RNF130: variants seen among roughly 807,000 people sequenced by gnomAD.
RNF130 encodes E3 ubiquitin-protein ligase RNF130.
In RNF130, 21 loss-of-function variants were observed where a neutral mutation model predicts 44.6. The observed-to-expected ratio is 0.47, with a 90% CI of 0.33 to 0.68. The LOEUF is 0.68. Among genes scored for constraint, RNF130 ranks in the 30% least tolerant of loss-of-function variants. The pLI, the probability that RNF130 is intolerant of heterozygous loss-of-function variation, is 0.02. For synonymous variants in RNF130, 214 were observed against 210.4 expected (o/e 1.02, Z -0.15); for missense variants, 479 against 560.6 (o/e 0.85, Z 1.47).
At chr5:179,935,582 T>C (rs1761878289) in intron 7 of RNF130, among the ~76,000 whole-genome samples, 1 of 152,128 alleles carries the variant, frequency 6.6e-6, no homozygotes, top group African/African-American at 2.4e-5. Context: ...TTTCTATTCA[T>C]TACTAACATG....
At chr5:180,031,858 C>T in intron 2 of RNF130, among the ~76,000 whole-genome samples, 1 of 152,322 alleles carries the variant, frequency 6.6e-6, no homozygotes. Context: ...TACCATTTCA[C>T]ATTTCTACTC....
intron 1 of RNF130, among the ~76,000 whole-genome samples, chr5:180,058,359 C>G (rs1260777262): frequency 6.6e-6 from 1 of 152,048 alleles, no homozygotes; most frequent in Non-Finnish European, 1.5e-5. Flanking sequence ...CACTTTATTC[C>G]CCAGGTTAAA....
intron 7 of RNF130, among the ~76,000 whole-genome samples, chr5:179,928,540 GTCT>G (rs1032023855): frequency 6.6e-6 from 1 of 151,820 alleles, no homozygotes; most frequent in Non-Finnish European, 1.5e-5. Flanking sequence ...CAGGTTGTCA[GTCT>G]TCTTCTCCTT....
chr5:180,046,000 A>AG (rs2113150661), intron 1 of RNF130, among the ~76,000 whole-genome samples: 1 of 152,298 alleles, frequency 6.6e-6, no homozygotes, highest in South Asian at 2.1e-4. Context: ...CCCGTGGAGC[A>AG]GGGGGCAGCG....
chr5:179,980,151 C>T lies in RNF130; in HGVS notation c.743G>A (p.Arg248Lys). Residue 248 changes from arginine to lysine, a missense_variant, in exon 4 of 9, where the codon AGG becomes AAG. Arg to Lys is a conservative substitution (Grantham distance 26). This residue lies in a region of RNF130 where 180 missense variants were observed against 275.1 expected (regional missense o/e 0.65). Transcript: ENST00000521389. ...TACCTTGTCACCCTTCTTTACTGTC[C>T]TGGTTGTCAATTTACTGATGGCTTT... ...AKKAISKLTTRTVKKGDKETD... is the reference protein window; with the variant it reads ...AKKAISKLTTKTVKKGDKETD... The T allele has an allele frequency of 6.2e-7, 1 of 1,613,946 alleles. No homozygotes were observed. The highest frequency in any genetic ancestry group is 8.5e-7 in the Non-Finnish European group (1 of 1,179,948).
chr5:179,914,588 G>GGGA (rs1761514746), exon 8 of RNF130: 2 of 152,248 alleles, frequency 1.3e-5, no homozygotes, highest in Non-Finnish European at 2.9e-5. Flanking sequence ...AGCTCCCCTT[G>GGGA]GGAGATTCTG....
intron 1 of RNF130, among the ~76,000 whole-genome samples, chr5:180,045,654 C>G (rs1402819386): frequency 6.6e-6 from 1 of 152,140 alleles, no homozygotes; most frequent in African/African-American, 2.4e-5. Flanking sequence ...CTGACTGGTG[C>G]GTTTACAAAC....
At chr5:179,963,768 A>G (rs960607325) in intron 7 of RNF130, 2 of 571,414 alleles carry the variant, frequency 3.5e-6, no homozygotes, top group Non-Finnish European at 6.3e-6. Context: ...GCAAGGGAGA[A>G]AGGAAAGCAT....
In RNF130 at chr5:179,937,931, T is replaced by TGAGAGAGA. The variant is rs1352445372; in HGVS notation, c.1151-17506_1151-17505insTCTCTCTC. 3.8e-4 allele frequency among the ~76,000 whole-genome samples: 50 copies of TGAGAGAGA among 131,084 alleles called. No homozygotes were observed. The East Asian group carries it at 7.5e-3, about 20-fold the overall frequency. The allele number at this position is 131,084 out of a possible 152,430, so 86.0% of individuals were successfully genotyped here. A position where few individuals can be genotyped will look rare whatever the true frequency, so the allele number is the denominator to read the frequency against. On this transcript the variant is annotated intron_variant, in intron 7 of 7. Coordinates refer to the RNF130 transcript ENST00000522208. Reference sequence around the variant, plus strand: ...GTGTGTGTGTGTGTGTGTGTGTGTGTGTGAGAGAGAGAGAGAGAGAGAGAG... The same window carrying TGAGAGAGA: ...GTGTGTGTGTGTGTGTGTGTGTGTGTGAGAGAGAGTGAGAGAGAGAGAGAGAGAGAGAG...
intron 1 of RNF130, among the ~76,000 whole-genome samples, chr5:180,044,596 G>A (rs1343315055): frequency 1.3e-5 from 2 of 152,126 alleles, no homozygotes; most frequent in Non-Finnish European, 2.9e-5. Flanking sequence ...CACTTTGGGA[G>A]GCCGAAGTGG....
At chr5:180,071,365 G>A in intron 1 of RNF130, 91 bp downstream of exon 1, 1 of 1,170,614 alleles carries the variant, frequency 8.5e-7, no homozygotes, top group Non-Finnish European at 1.1e-6. Flanking sequence ...GCGCGGGAGA[G>A]CCAGGGCCAG....
intron 6 of RNF130, among the ~76,000 whole-genome samples, chr5:179,969,890 C>T (rs534399134): frequency 8.5e-5 from 13 of 152,306 alleles, no homozygotes; most frequent in African/African-American, 2.9e-4. Flanking sequence ...ACTCAGAAGG[C>T]TGAGGCAGGA....
At chr5:179,974,030 C>T (rs991178983) in intron 5 of RNF130, among the ~76,000 whole-genome samples, 15 of 152,116 alleles carry the variant, frequency 9.9e-5, no homozygotes, top group South Asian at 4.1e-4. Context: ...AAGAGTGCTG[C>T]GGGAGGGGAG....
intron 3 of RNF130, among the ~76,000 whole-genome samples, chr5:179,984,467 G>C (rs188707661): frequency 1.2e-4 from 18 of 152,268 alleles, no homozygotes; most frequent in African/African-American, 3.8e-4. Flanking sequence ...AGGAATCGAT[G>C]TTGGACTTCG....
exon 8 of RNF130, chr5:179,920,278 C>T (rs1480513671): frequency 2.9e-6 from 2 of 678,206 alleles, no homozygotes; most frequent in East Asian, 2.7e-5. Flanking sequence ...AATCAAATCA[C>T]AAAAGCAGTG....
chr5:180,008,457 C>A (rs1243310969), intron 3 of RNF130, among the ~76,000 whole-genome samples: 1 of 152,074 alleles, frequency 6.6e-6, no homozygotes, highest in Non-Finnish European at 1.5e-5. Context: ...TTCTAAGCAC[C>A]AATGAAACAC....
chr5:180,028,274 T>C (rs1384417054), intron 2 of RNF130, among the ~76,000 whole-genome samples: 1 of 152,178 alleles, frequency 6.6e-6, no homozygotes, highest in Non-Finnish European at 1.5e-5. Flanking sequence ...TCTTCTCTGC[T>C]TGTTATAACT....
At chr5:179,945,371 G>A (rs533164172) in intron 7 of RNF130, among the ~76,000 whole-genome samples, 1 of 152,262 alleles carries the variant, frequency 6.6e-6, no homozygotes, top group South Asian at 2.1e-4. Context: ...TCTGGGCTGA[G>A]TGGTACCTGA....
intron 3 of RNF130, among the ~76,000 whole-genome samples, chr5:179,983,776 T>G (rs1456205735): frequency 6.6e-6 from 1 of 152,234 alleles, no homozygotes; most frequent in East Asian, 1.9e-4. Flanking sequence ...ACACTGTGTA[T>G]GTGTCTCTCC....
Sources: allele counts gnomAD v4.1 joint callset (sites outside exome capture counted in the v4.1 genomes callset), GRCh38; gene constraint gnomAD v4.1.1; regional missense constraint gnomAD v4.1.1; transcripts MANE v1.5; gene names NCBI Gene and HGNC (gene_info 2026-07-23, HGNC 2026-07-21).